APOOL: variants seen among roughly 807,000 people sequenced by gnomAD.
The protein encoded by APOOL is apolipoprotein O like.
A neutral mutation model predicts 23.1 loss-of-function variants in APOOL; 12 were observed. The ratio of observed to expected loss-of-function variants is 0.52; its 90% CI spans 0.33 to 0.84. APOOL has a LOEUF of 0.84. Ranked by LOEUF, APOOL falls within the 40% of genes least tolerant of loss-of-function variation. APOOL has a pLI of 0.02. For missense variants in APOOL, 212 were observed against 199.6 expected, an observed-to-expected ratio of 1.06 and a Z score of -0.37; for synonymous variants, 77 against 69.9, an observed-to-expected ratio of 1.10 and a Z score of -0.51.
At chrX:85,048,185 T>G (rs1922639589) in intron 2 of APOOL, among the ~76,000 whole-genome samples, 1 of 111,467 alleles carries the variant, frequency 9.0e-6, no homozygotes, top group African/African-American at 3.3e-5. Context: ...AAGCTCCTCT[T>G]ATATATTTGT....
At chrX:85,045,932 C>T (rs764846882) in intron 1 of APOOL, among the ~76,000 whole-genome samples, 14 of 111,574 alleles carry the variant, frequency 1.3e-4, no homozygotes, top group African/African-American at 4.2e-4. Flanking sequence ...TTTACTTTCT[C>T]CAGAGCATTT....
intron 1 of APOOL, among the ~76,000 whole-genome samples, chrX:85,034,208 G>A (rs1922137781): frequency 9.0e-6 from 1 of 111,480 alleles, no homozygotes; most frequent in Non-Finnish European, 1.9e-5. Flanking sequence ...CAAGATAGGT[G>A]TTATTGGGGA....
At chrX:85,083,441 G>A (rs908347797) in intron 8 of APOOL, among the ~76,000 whole-genome samples, 1 of 111,278 alleles carries the variant, frequency 9.0e-6, no homozygotes, top group Non-Finnish European at 1.9e-5. Context: ...TTCTAGAAGT[G>A]AAAAATACAG....
At chrX:85,059,448 G>T (rs1212661259) in intron 5 of APOOL, among the ~76,000 whole-genome samples, 1 of 110,313 alleles carries the variant, frequency 9.1e-6, no homozygotes, top group African/African-American at 3.3e-5. Flanking sequence ...CTGAGGAATC[G>T]CCACACTGAC....
At chrX:85,019,265 AT>A (rs201713863) in intron 1 of APOOL, among the ~76,000 whole-genome samples, 9,839 of 111,771 alleles carry the variant, frequency 0.088, 447 homozygotes, top group Non-Finnish European at 0.13. Flanking sequence ...AGTGAGGCCT[AT>A]CTGAAAGATA....
chrX:85,050,006 T>C (rs918169461), intron 2 of APOOL, among the ~76,000 whole-genome samples: 3 of 111,361 alleles, frequency 2.7e-5, no homozygotes, highest in African/African-American at 6.5e-5. Context: ...AGAGGAAACT[T>C]GCCTATTTGC....
chrX:85,011,243 T>C (rs754421821), intron 1 of APOOL, among the ~76,000 whole-genome samples: 1 of 112,261 alleles, frequency 8.9e-6, no homozygotes, highest in East Asian at 2.8e-4. Flanking sequence ...ATATTAGTCC[T>C]TTGTCAGATG....
chrX:85,008,520 TTGAA>T (rs1482825305), intron 1 of APOOL, among the ~76,000 whole-genome samples: 1 of 89,035 alleles, frequency 1.1e-5, no homozygotes, highest in Non-Finnish European at 2.3e-5. Flanking sequence ...TTTTTTATGG[TTGAA>T]TGATAACCCG....
intron 1 of APOOL, among the ~76,000 whole-genome samples, chrX:85,041,320 C>T (rs963647094): frequency 1.8e-5 from 2 of 111,874 alleles, no homozygotes; most frequent in South Asian, 7.5e-4. Context: ...TCTCCCTTCT[C>T]AGCCTGAGTG....
chrX:85,032,719 ATAAT>A (rs988556606), intron 1 of APOOL, among the ~76,000 whole-genome samples: 1 of 111,570 alleles, frequency 9.0e-6, no homozygotes, highest in Non-Finnish European at 1.9e-5. Flanking sequence ...TTCATACATC[ATAAT>A]TAAAGTAACT....
At chrX:85,030,732 G>GT (rs1321055001) in intron 1 of APOOL, among the ~76,000 whole-genome samples, 3 of 110,987 alleles carry the variant, frequency 2.7e-5, no homozygotes, top group African/African-American at 9.8e-5. Flanking sequence ...ACAGAGTAGT[G>GT]TAATGGAATT....
At chrX:85,054,289 C>G in intron 3 of APOOL, 55 bp from the exon 4 acceptor site, 2 of 1,068,110 alleles carry the variant, frequency 1.9e-6, no homozygotes, top group South Asian at 2.1e-5. Context: ...AATTTTATCT[C>G]ATTATCAACA....
intron 1 of APOOL, among the ~76,000 whole-genome samples, chrX:85,034,511 G>A (rs1922147845): frequency 9.1e-6 from 1 of 110,205 alleles, no homozygotes; most frequent in Non-Finnish European, 1.9e-5. Context: ...TACATGTGCA[G>A]GTTTGTTACA....
intron 5 of APOOL, among the ~76,000 whole-genome samples, chrX:85,064,978 A>T (rs1469140536): frequency 1.8e-5 from 2 of 111,057 alleles, no homozygotes; most frequent in Non-Finnish European, 3.8e-5. Context: ...TGACAGTGGG[A>T]TATTAAAGTC....
intron 1 of APOOL, among the ~76,000 whole-genome samples, chrX:85,022,980 TTGG>T (rs1921722990): frequency 9.0e-6 from 1 of 111,432 alleles, no homozygotes; most frequent in Non-Finnish European, 1.9e-5. Context: ...CCTGCAAGAG[TTGG>T]TGGTTACAAA....
chrX:85,074,990 G>A (rs1237815195), intron 8 of APOOL, among the ~76,000 whole-genome samples: 2 of 109,968 alleles, frequency 1.8e-5, no homozygotes, highest in African/African-American at 3.3e-5. Context: ...ATTTTACTGT[G>A]ATCAAAAAGA....
intron 1 of APOOL, among the ~76,000 whole-genome samples, chrX:85,005,926 GAAGAA>G (rs1569451950): frequency 1.8e-5 from 2 of 112,080 alleles, no homozygotes; most frequent in Non-Finnish European, 3.8e-5. Context: ...TTTTCATTGA[GAAGAA>G]GAGAGTTGAA....
intron 5 of APOOL, among the ~76,000 whole-genome samples, chrX:85,064,999 A>C (rs1009711482): frequency 5.4e-5 from 6 of 111,282 alleles, no homozygotes; most frequent in Admixed American, 9.6e-5. Context: ...TCCCACTATT[A>C]TTATGTGGAG....
At chrX:85,029,748 A>G (rs1219847987) in intron 1 of APOOL, among the ~76,000 whole-genome samples, 4 of 112,247 alleles carry the variant, frequency 3.6e-5, no homozygotes, top group Admixed American at 9.4e-5. Flanking sequence ...ACAGTCATCA[A>G]ACATATTACA....
Sources: gnomAD v4.1 joint callset for allele counts (sites outside exome capture counted in the v4.1 genomes callset) on GRCh38, gnomAD v4.1.1 for gene constraint, MANE v1.5 for transcripts, NCBI Gene and HGNC (gene_info 2026-07-23, HGNC 2026-07-21) for gene names.